ACOT7: variants seen among roughly 807,000 people sequenced by gnomAD.
The protein encoded by ACOT7 is cytosolic acyl coenzyme A thioester hydrolase.
Under a neutral mutation model 40.2 loss-of-function variants are expected in ACOT7, and 12 were observed. The ratio of observed to expected loss-of-function variants is 0.30; its 90% confidence interval spans 0.19 to 0.48. ACOT7 has a LOEUF of 0.48. ACOT7 is among the 20% of genes least tolerant of loss of function. The pLI is 0.99. For synonymous variants in ACOT7, 228 were observed against 219.5 expected (o/e 1.04, Z -0.34); for missense variants, 395 against 530.8 (o/e 0.74, Z 2.51).
intron 7 of ACOT7, among the ~76,000 whole-genome samples, chr1:6,290,950 G>A (rs900149203): frequency 6.6e-6 from 1 of 152,184 alleles, no homozygotes; most frequent in Non-Finnish European, 1.5e-5. Flanking sequence ...CCTTAGAGTG[G>A]CCCCTTCTCC....
intron 1 of ACOT7, among the ~76,000 whole-genome samples, chr1:6,372,038 C>CT (rs1041029581): frequency 6.7e-6 from 1 of 149,558 alleles, no homozygotes; most frequent in Non-Finnish European, 1.5e-5. Context: ...GAGCAAAACT[C>CT]TGTGTCAAAA....
Position 6,358,864 on chromosome 1 carries a change from G to A in ACOT7, c.144-8998C>T. On this transcript the variant is annotated intron_variant, in intron 1 of 8. Coordinates refer to ENST00000361521, the MANE Select transcript of ACOT7 (RefSeq NM_007274.4). The surrounding 1 kb of genome is among the most constrained non-coding windows in gnomAD (Gnocchi z 4.1). Reference sequence around the variant, plus strand: ...AAGCCATGGTGGCTAGGACATCCCAGGATCAGATGCAGAGAAAGGCGAGGG... The same window carrying A: ...AAGCCATGGTGGCTAGGACATCCCAAGATCAGATGCAGAGAAAGGCGAGGG... The A allele has an allele frequency of 6.2e-7, 1 of 1,613,748 alleles. No individual in the cohort carries two copies. Among genetic ancestry groups the A allele is most frequent in the Non-Finnish European group, 8.5e-7 (1 of 1,179,820 alleles).
intron 5 of ACOT7, among the ~76,000 whole-genome samples, chr1:6,322,336 A>G (rs1489998060): frequency 6.6e-6 from 1 of 152,174 alleles, no homozygotes; most frequent in Non-Finnish European, 1.5e-5. Flanking sequence ...CTTCTCCCAC[A>G]CACCCTGGCA....
At chr1:6,357,199 T>C (rs1257127902) in intron 1 of ACOT7, among the ~76,000 whole-genome samples, 1 of 151,856 alleles carries the variant, frequency 6.6e-6, no homozygotes, top group African/African-American at 2.4e-5. Flanking sequence ...ATCGCGCCAT[T>C]GCACTCCAGC....
chr1:6,264,765 G>T, intron 8 of ACOT7, 70 bp from the exon 9 acceptor site: 2 of 1,522,494 alleles, frequency 1.3e-6, no homozygotes, highest in Admixed American at 1.8e-5. Context: ...TTGTGACCTG[G>T]CCTGGGGCCC....
rs1245783723 is a variant in ACOT7, at chr1:6,264,470, G to C, written c.*127C>G. On this transcript the variant is annotated 3_prime_UTR_variant, in exon 9 of 9. Coordinates refer to ENST00000361521, the MANE Select transcript of ACOT7 (RefSeq NM_007274.4). Reference sequence around the variant, plus strand: ...AGAGTACAGGTTAACACTGTGATACGAAAACTTCAGACAACACCAGCTCTC... The same window carrying C: ...AGAGTACAGGTTAACACTGTGATACCAAAACTTCAGACAACACCAGCTCTC... 2.5e-6 allele frequency: 2 copies of C among 815,178 alleles called. No homozygotes were observed. Among genetic ancestry groups the C allele is most frequent in the Non-Finnish European group, 3.8e-6 (2 of 524,026 alleles). The allele number at this position is 815,178 out of a possible 1,614,324, so 50.5% of individuals were successfully genotyped here. A position where few individuals can be genotyped will look rare whatever the true frequency, so the allele number is the denominator to read the frequency against.
chr1:6,359,818 C>A lies in ACOT7; in HGVS notation c.144-9952G>T, dbSNP rs562662093. Among the ~76,000 whole-genome samples, 4 of 152,302 alleles carry A rather than the reference C, an allele frequency of 2.6e-5. No individual in the cohort carries two copies. The highest frequency in any genetic ancestry group is 9.6e-5 in the African/African-American group (4 of 41,558). ...GAAAGTCCCCAGCCAGAGTGCAGGC[C>A]GCACAGCCTCAACCAGGCTGCACCC... On this transcript the variant is annotated intron_variant, in intron 1 of 8. Transcript: ENST00000361521. This position sits in a 1 kb window ranked among gnomAD's most constrained non-coding sequence, Gnocchi z 4.1.
At chr1:6,308,038 G>A (rs183087339) in intron 6 of ACOT7, among the ~76,000 whole-genome samples, 3,446 of 145,542 alleles carry the variant, frequency 0.024, 63 homozygotes, top group Middle Eastern at 0.096. Context: ...AGAGGGAACC[G>A]CAACAGGCAG....
intron 1 of ACOT7, among the ~76,000 whole-genome samples, chr1:6,389,414 A>G (rs989695272): frequency 5.3e-5 from 8 of 152,288 alleles, no homozygotes; most frequent in Non-Finnish European, 1.0e-4. Flanking sequence ...CAGTCCCCAG[A>G]AAGCCTTGGA....
In ACOT7 at chr1:6,274,848, G is replaced by A. The variant is rs904736532; in HGVS notation, c.1014+6254C>T. ...GCGGCGCAGTGCAGGTGGGCAGCGC[G>A]TTGGGACTCCCAGGGTTTAGGTTCT... On this transcript the variant is annotated intron_variant, in intron 8 of 8. Transcript: ENST00000361521. This position sits in a 1 kb window ranked among gnomAD's most constrained non-coding sequence, Gnocchi z 5.9. 1.6e-4 allele frequency among the ~76,000 whole-genome samples: 24 copies of A among 152,156 alleles called. No homozygotes were observed. Among genetic ancestry groups the A allele is most frequent in the Admixed American group, 1.3e-3 (20 of 15,286 alleles).
At chr1:6,351,196 G>A (rs1641580964) in intron 1 of ACOT7, among the ~76,000 whole-genome samples, 1 of 152,130 alleles carries the variant, frequency 6.6e-6, no homozygotes, top group Non-Finnish European at 1.5e-5. Context: ...TCCACCCTGG[G>A]TGAGAGTCTA....
chr1:6,322,465 C>T (rs1443204506), intron 5 of ACOT7, among the ~76,000 whole-genome samples: 1 of 152,178 alleles, frequency 6.6e-6, no homozygotes, highest in East Asian at 1.9e-4. Flanking sequence ...GTGCTGGGGC[C>T]GCTGTAACAA....
chr1:6,285,581 G>A (rs1051016925), intron 7 of ACOT7, among the ~76,000 whole-genome samples: 1 of 152,236 alleles, frequency 6.6e-6, no homozygotes, highest in Non-Finnish European at 1.5e-5. Context: ...CCAGGCTGCC[G>A]GCCAAATCAT....
At chr1:6,325,195 G>A (rs1414228366) in intron 5 of ACOT7, among the ~76,000 whole-genome samples, 2 of 152,158 alleles carry the variant, frequency 1.3e-5, no homozygotes, top group African/African-American at 2.4e-5. Flanking sequence ...TCAGGAGATC[G>A]AGACCATCCT....
intron 6 of ACOT7, among the ~76,000 whole-genome samples, chr1:6,305,281 G>C (rs1416055474): frequency 4.5e-4 from 66 of 146,800 alleles, no homozygotes; most frequent in African/African-American, 1.6e-3. Context: ...GGACGGGGCG[G>C]CTGTCCGGGC....
At chr1:6,337,168 C>G (rs750407581) in intron 3 of ACOT7, among the ~76,000 whole-genome samples, 1 of 152,242 alleles carries the variant, frequency 6.6e-6, no homozygotes, top group Non-Finnish European at 1.5e-5. Context: ...GTGGGCATCT[C>G]TGTCCCTCTC....
chr1:6,365,135 A>G (rs1392663555), intron 1 of ACOT7, among the ~76,000 whole-genome samples: 4 of 152,254 alleles, frequency 2.6e-5, no homozygotes, highest in African/African-American at 9.6e-5. Flanking sequence ...GTGCAAGTCC[A>G]TGTTTATAAA....
In ACOT7 at chr1:6,331,534, T is replaced by C. The variant is rs539323238; in HGVS notation, c.510+1943A>G. Among the ~76,000 whole-genome samples, 133 of 152,300 alleles carry C rather than the reference T, an allele frequency of 8.7e-4. 1 individual carries two copies. The highest frequency in any genetic ancestry group is 1.8e-3 in the Non-Finnish European group (125 of 68,026). ...CTGTGACAGAATCAACTTCTATTGT[T>C]TGAGAGCTACCCAGTCAGTGGCACT... On this transcript the variant is annotated intron_variant, in intron 4 of 8. Transcript: ENST00000361521.
chr1:6,364,815 T>C (rs1227424807), intron 1 of ACOT7, among the ~76,000 whole-genome samples: 4 of 122,516 alleles, frequency 3.3e-5, no homozygotes. Context: ...GCCACTGCAC[T>C]CCGGCCTGGG....
Sources: gnomAD v4.1 joint callset for allele counts (sites outside exome capture counted in the v4.1 genomes callset) on GRCh38, gnomAD v4.1.1 for gene constraint, Gnocchi (gnomAD v3.1) non-coding constraint, MANE v1.5 for transcripts, NCBI Gene and HGNC (gene_info 2026-07-23, HGNC 2026-07-21) for gene names.